Variants in CHSY1 observed in about 807,000 individuals in gnomAD.
CHSY1 encodes the protein N-acetylgalactosaminyl-proteoglycan 3-beta-glucuronosyltransferase 1.
Under a neutral mutation model 59.8 loss-of-function variants are expected in CHSY1, and 13 were observed. The ratio of observed to expected loss-of-function variants is 0.22; its 90% CI spans 0.14 to 0.35. The LOEUF is 0.35. CHSY1 is among the 10% of genes least tolerant of loss of function. CHSY1 has a pLI of 1.00. For synonymous variants in CHSY1, 459 were observed against 401.2 expected (o/e 1.14, Z -1.72); for missense variants, 947 against 1,030.6 (o/e 0.92, Z 1.11).
chr15:101,187,125 C>T (rs575978612), intron 2 of CHSY1, among the ~76,000 whole-genome samples: 6 of 152,242 alleles, frequency 3.9e-5, no homozygotes, highest in Non-Finnish European at 7.4e-5. Context: ...GTTATAAATA[C>T]GAGATTCTTA....
chr15:101,228,171 G>C (rs2038859144), intron 2 of CHSY1, among the ~76,000 whole-genome samples: 1 of 151,714 alleles, frequency 6.6e-6, no homozygotes, highest in African/African-American at 2.4e-5. Context: ...ACAGGCAGAG[G>C]AAAGAATCCA....
chr15:101,217,903 GGGT>G (rs1420825068), intron 2 of CHSY1, among the ~76,000 whole-genome samples: 6 of 152,148 alleles, frequency 3.9e-5, no homozygotes, highest in African/African-American at 1.4e-4. Context: ...GGAGGGGAAA[GGGT>G]AACTCTGCAG....
chr15:101,235,696 C>T, intron 1 of CHSY1, 119 bp from the exon 2 acceptor site: 1 of 1,152,414 alleles, frequency 8.7e-7, no homozygotes. Flanking sequence ...AGCTACTTGG[C>T]CTGCTTGGTT....
In CHSY1 at chr15:101,235,250, C is replaced by T; in HGVS notation, c.648G>A (p.Glu216=). The change falls in exon 2 of 3, where the codon GAG becomes GAA. Residue 216 remains glutamate, a synonymous_variant. Transcript: ENST00000254190. ...CGCCAGGCCCCCCCATGCAGAAGTT[C>T]TCACCAGGCTCCAGGGCCAGTTTTC... ...EMGKLALEPG[E]NFCMGGPGVI... is the part of the protein sequence containing the mutation. 1 of 1,614,198 alleles carries T rather than the reference C, an allele frequency of 6.2e-7. No individual in the cohort carries two copies. The highest frequency in any genetic ancestry group is 1.1e-5 in the South Asian group (1 of 91,088).
chr15:101,182,973 A>G (rs2038300382), intron 2 of CHSY1, among the ~76,000 whole-genome samples: 1 of 152,222 alleles, frequency 6.6e-6, no homozygotes, highest in African/African-American at 2.4e-5. Context: ...GAAAAACACA[A>G]CAACAAAAAC....
chr15:101,182,377 G>T (rs1002486547), intron 2 of CHSY1, among the ~76,000 whole-genome samples: 1 of 152,200 alleles, frequency 6.6e-6, no homozygotes, highest in Non-Finnish European at 1.5e-5. Context: ...GCCTACATTT[G>T]CACCAGCTGA....
chr15:101,203,789 C>A (rs549127111), intron 2 of CHSY1, among the ~76,000 whole-genome samples: 54 of 152,246 alleles, frequency 3.5e-4, no homozygotes, highest in Non-Finnish European at 7.4e-4. Context: ...CAAATAACTA[C>A]AAAATAACTC....
At chr15:101,230,565 A>G (rs1168735929) in intron 2 of CHSY1, among the ~76,000 whole-genome samples, 1 of 152,182 alleles carries the variant, frequency 6.6e-6, no homozygotes, top group Non-Finnish European at 1.5e-5. Flanking sequence ...TTAAAAAAAG[A>G]AACATTATTT....
At chr15:101,234,802 G>A (rs960089483) in intron 2 of CHSY1, among the ~76,000 whole-genome samples, 1 of 152,182 alleles carries the variant, frequency 6.6e-6, no homozygotes, top group Non-Finnish European at 1.5e-5. Flanking sequence ...AGGAGGCGGA[G>A]GTTAAAGTGA....
rs1228145450 is a variant in CHSY1 at position 101,176,947 on chromosome 15, A to C, written c.*441T>G. On this transcript the variant is annotated 3_prime_UTR_variant, in exon 3 of 3. Coordinates refer to ENST00000254190, the MANE Select transcript of CHSY1 (RefSeq NM_014918.5). ...TCCTTATCTTACAACTGGAACATGA[A>C]ATGGCTTTAAAACAATTGTAAAAAA... 6.3e-6 allele frequency: 1 copy of C among 159,102 alleles called. No homozygotes were observed. The highest frequency in any genetic ancestry group is 1.9e-4 in the East Asian group (1 of 5,272). The allele number at this position is 159,102 out of a possible 1,614,324, so 9.9% of individuals were successfully genotyped here.
intron 2 of CHSY1, among the ~76,000 whole-genome samples, chr15:101,205,992 C>T (rs2038623101): frequency 6.6e-6 from 1 of 152,130 alleles, no homozygotes; most frequent in Admixed American, 6.5e-5. Context: ...TTGCTCTACC[C>T]CATGATCCTG....
intron 2 of CHSY1, chr15:101,189,576 TGA>T (rs1223046849): frequency 2.0e-6 from 1 of 512,026 alleles, no homozygotes; most frequent in Non-Finnish European, 2.5e-6. Flanking sequence ...CCAGTTCAAG[TGA>T]GAGAGAAAGG....
chr15:101,232,338 A>T (rs1403696688), intron 2 of CHSY1, among the ~76,000 whole-genome samples: 1 of 152,238 alleles, frequency 6.6e-6, no homozygotes. Flanking sequence ...CATCCACACG[A>T]AGGATTAATC....
intron 1 of CHSY1, among the ~76,000 whole-genome samples, chr15:101,239,815 G>C (rs79302001): frequency 6.6e-6 from 1 of 151,904 alleles, no homozygotes; most frequent in Non-Finnish European, 1.5e-5. Flanking sequence ...CGAGCATTTC[G>C]CGGTAGAGCA....
At chr15:101,228,719 A>C (rs981713466) in intron 2 of CHSY1, among the ~76,000 whole-genome samples, 104 of 152,230 alleles carry the variant, frequency 6.8e-4, no homozygotes, top group African/African-American at 2.1e-3. Flanking sequence ...CTCTATGAAA[A>C]ATATTAAAGG....
At chr15:101,198,853 G>A (rs2038537819) in intron 2 of CHSY1, among the ~76,000 whole-genome samples, 1 of 152,158 alleles carries the variant, frequency 6.6e-6, no homozygotes, top group Non-Finnish European at 1.5e-5. Context: ...CTGGGAGCGA[G>A]ATCCCACGGC....
At chr15:101,200,118 T>A (rs1181126893) in intron 2 of CHSY1, among the ~76,000 whole-genome samples, 1 of 152,190 alleles carries the variant, frequency 6.6e-6, no homozygotes, top group Non-Finnish European at 1.5e-5. Flanking sequence ...ATTCCAAATA[T>A]CCCTTATCAT....
chr15:101,245,529 G>A (rs2039041704), intron 1 of CHSY1, among the ~76,000 whole-genome samples: 1 of 152,190 alleles, frequency 6.6e-6, no homozygotes, highest in Admixed American at 6.5e-5. Context: ...GAACTCTGCA[G>A]AGACTAGGGC....
chr15:101,235,646 C>A lies in CHSY1; in HGVS notation c.321-69G>T, dbSNP rs952018455. 3 of 1,519,262 alleles carry A rather than the reference C, an allele frequency of 2.0e-6. No homozygotes were observed. In the African/African-American group the frequency reaches 4.1e-5, roughly 21 times the overall value. 94.1% of individuals were successfully genotyped at this position (1,519,262 alleles called of 1,614,324 possible). ...GCTGATTTTCAGGAATTCACGTTATCTGCTCATCTTGTATCGCCGTGTTCA... is the reference window on the plus strand; with the variant it reads ...GCTGATTTTCAGGAATTCACGTTATATGCTCATCTTGTATCGCCGTGTTCA... On this transcript the variant is annotated intron_variant, in intron 1 of 2. Transcript: ENST00000254190.
Sources: allele counts gnomAD v4.1 joint callset (sites outside exome capture counted in the v4.1 genomes callset), GRCh38; gene constraint gnomAD v4.1.1; transcripts MANE v1.5; gene names NCBI Gene and HGNC (gene_info 2026-07-23, HGNC 2026-07-21).